The following ZNF536 variants were observed in gnomAD, a reference collection of about 807,000 sequenced individuals.
ZNF536 encodes zinc finger protein 536.
In ZNF536, 13 loss-of-function variants were observed where a neutral mutation model predicts 84.5. The observed-to-expected ratio is 0.15, with a 90% CI of 0.10 to 0.24. ZNF536 has a LOEUF of 0.24. Among genes scored for constraint, ZNF536 ranks in the 10% least tolerant of loss-of-function variants. The pLI, the probability that ZNF536 is intolerant of heterozygous loss-of-function variation, is 1.00. For missense variants in ZNF536, 1,536 were observed against 1,747.5 expected (o/e 0.88, Z 2.16); for synonymous variants, 811 against 742.5 (o/e 1.09, Z -1.50).
At chr19:30,683,676 T>C (rs1769754664) in intron 1 of ZNF536, among the ~76,000 whole-genome samples, 1 of 152,206 alleles carries the variant, frequency 6.6e-6, no homozygotes, top group Non-Finnish European at 1.5e-5. Context: ...AAATATCTTT[T>C]CAAAGACATG....
chr19:30,437,645 T>C (rs2051812334), intron 1 of ZNF536, among the ~76,000 whole-genome samples: 1 of 151,036 alleles, frequency 6.6e-6, no homozygotes, highest in Non-Finnish European at 1.5e-5. Flanking sequence ...ATACTGACTG[T>C]GGAGTTGAGT....
chr19:30,417,351 A>C (rs1174911190), intron 1 of ZNF536, among the ~76,000 whole-genome samples: 1 of 151,804 alleles, frequency 6.6e-6, no homozygotes, highest in Non-Finnish European at 1.5e-5. Context: ...TGGCATGCCG[A>C]TGACCTGCTT....
intron 3 of ZNF536, among the ~76,000 whole-genome samples, chr19:30,364,744 G>A (rs1125867): frequency 0.76 from 115,316 of 152,060 alleles, 43,892 homozygotes; most frequent in Admixed American, 0.81. Context: ...TGGCCTTAAG[G>A]TAACAGCAAA....
At chr19:30,562,559 C>T (rs10420209), downstream of ZNF536, among the ~76,000 whole-genome samples, 564 of 152,216 alleles carry the variant, frequency 3.7e-3, 8 homozygotes, top group African/African-American at 0.013. Context: ...TTTTATTTTT[C>T]AACCTGTCGA....
chr19:30,335,494 C>A (rs1471294781), intron 2 of ZNF536, among the ~76,000 whole-genome samples: 1 of 152,168 alleles, frequency 6.6e-6, no homozygotes, highest in African/African-American at 2.4e-5. Flanking sequence ...CTCTTCCCAG[C>A]AGAGCCCAGC....
chr19:30,538,428 G>A (rs1423952279), intron 3 of ZNF536, among the ~76,000 whole-genome samples: 1 of 152,174 alleles, frequency 6.6e-6, no homozygotes, highest in Non-Finnish European at 1.5e-5. Flanking sequence ...AACATCAATG[G>A]ATAAAACCTC....
intron 1 of ZNF536, among the ~76,000 whole-genome samples, chr19:30,253,150 C>A (rs1416510202): frequency 6.6e-6 from 1 of 152,142 alleles, no homozygotes; most frequent in East Asian, 1.9e-4. Context: ...GCAGGGAGAC[C>A]CTCCTAGTCA....
At chr19:30,267,912 G>A (rs1380294624) in intron 1 of ZNF536, among the ~76,000 whole-genome samples, 2 of 152,114 alleles carry the variant, frequency 1.3e-5, no homozygotes, top group Non-Finnish European at 2.9e-5. Flanking sequence ...CAGAAAGAGA[G>A]AGAGAGAGAT....
At chr19:30,358,609 T>C (rs2048172180) in intron 3 of ZNF536, among the ~76,000 whole-genome samples, 1 of 152,236 alleles carries the variant, frequency 6.6e-6, no homozygotes, top group Non-Finnish European at 1.5e-5. Flanking sequence ...AAACCAAATA[T>C]ATGACAAATC....
At chr19:30,463,187 C>T (rs776558965) in intron 2 of ZNF536, among the ~76,000 whole-genome samples, 7 of 152,076 alleles carry the variant, frequency 4.6e-5, no homozygotes, top group Non-Finnish European at 1.0e-4. Flanking sequence ...CTTATTATTA[C>T]ATAGGGTGGA....
intron 1 of ZNF536, among the ~76,000 whole-genome samples, chr19:30,274,965 G>A (rs1289868676): frequency 6.6e-6 from 1 of 152,234 alleles, no homozygotes; most frequent in Non-Finnish European, 1.5e-5. Flanking sequence ...CTATTAGAAA[G>A]CCTTTATAAT....
intron 1 of ZNF536, among the ~76,000 whole-genome samples, chr19:30,430,262 T>C (rs2051395520): frequency 6.6e-6 from 1 of 152,248 alleles, no homozygotes; most frequent in Admixed American, 6.5e-5. Flanking sequence ...ACTTGTTCAT[T>C]CATTCATCCA....
intron 2 of ZNF536, among the ~76,000 whole-genome samples, chr19:30,348,792 C>A (rs1428562544): frequency 6.7e-6 from 1 of 150,292 alleles, no homozygotes; most frequent in Non-Finnish European, 1.5e-5. Context: ...GAGTTTCCAT[C>A]CATTTTCTTT....
chr19:30,424,514 G>A (rs2051127615), intron 1 of ZNF536, among the ~76,000 whole-genome samples: 1 of 152,136 alleles, frequency 6.6e-6, no homozygotes, highest in Non-Finnish European at 1.5e-5. Flanking sequence ...GGGTAACAGG[G>A]GAATCTCTGG....
chr19:30,299,024 G>GA (rs2046096103), intron 2 of ZNF536, among the ~76,000 whole-genome samples: 1 of 152,120 alleles, frequency 6.6e-6, no homozygotes, highest in Non-Finnish European at 1.5e-5. Flanking sequence ...GCCTGGGAAA[G>GA]AAAAAGACTC....
At chr19:30,667,141 C>T (rs897156819) in intron 1 of ZNF536, among the ~76,000 whole-genome samples, 1 of 152,184 alleles carries the variant, frequency 6.6e-6, no homozygotes, top group Non-Finnish European at 1.5e-5. Flanking sequence ...CGCAGTAGCA[C>T]AGCACCGAGG....
chr19:30,333,489 AAG>A (rs1180256003), intron 2 of ZNF536, among the ~76,000 whole-genome samples: 1 of 152,192 alleles, frequency 6.6e-6, no homozygotes, highest in Non-Finnish European at 1.5e-5. Context: ...GCCGCTGGTC[AAG>A]AGATTCCTCC....
chr19:30,299,185 A>C (rs1365517085), intron 2 of ZNF536, among the ~76,000 whole-genome samples: 1 of 152,226 alleles, frequency 6.6e-6, no homozygotes, highest in Non-Finnish European at 1.5e-5. Flanking sequence ...AATTATGAAT[A>C]CCTTGAAATT....
intron 2 of ZNF536, among the ~76,000 whole-genome samples, chr19:30,519,026 T>A (rs961890280): frequency 7.9e-5 from 12 of 152,174 alleles, no homozygotes; most frequent in Admixed American, 7.9e-4. Context: ...AGAACATACA[T>A]CTGGGCGGAC....
Sources: allele counts gnomAD v4.1 joint callset (sites outside exome capture counted in the v4.1 genomes callset), GRCh38; gene constraint gnomAD v4.1.1; transcripts MANE v1.5; gene names NCBI Gene and HGNC (gene_info 2026-07-23, HGNC 2026-07-21).